The following CARS1 variants were observed in gnomAD, a reference collection of about 807,000 sequenced individuals.
CARS1 encodes cysteine--tRNA ligase, cytoplasmic.
CARS1 carries 48 observed loss-of-function variants against 106.2 expected under a neutral mutation model. The ratio of observed to expected loss-of-function variants is 0.45; its 90% confidence interval spans 0.36 to 0.57. CARS1 has a LOEUF of 0.57. Ranked by LOEUF, CARS1 falls within the 20% of genes least tolerant of loss-of-function variation. The pLI, the probability that CARS1 is intolerant of heterozygous loss-of-function variation, is 0.00. For missense variants in CARS1, 968 were observed against 1,057.2 expected (o/e 0.92, Z 1.17); for synonymous variants, 409 against 403.4 (o/e 1.01, Z -0.17).
At position 3,026,658 on chromosome 11, in the gene CARS1, C is replaced by G. The variant is rs749250412; in HGVS notation, c.1153+18G>C. The G allele has an allele frequency of 6.2e-7, 1 of 1,612,318 alleles. No homozygotes were observed. The highest frequency in any genetic ancestry group is 8.5e-7 in the Non-Finnish European group (1 of 1,179,382). On this transcript the variant is annotated intron_variant, in intron 10 of 22. Coordinates refer to ENST00000380525, the MANE Select transcript of CARS1 (RefSeq NM_001014437.3). ...CCAGGAGGGAGAGCCCACATGCTCT[C>G]AGGCATGCCCTCCTCACCTTCCCCT... is the stretch of plus-strand genomic sequence containing the variant.
rs1004362167 is a variant in CARS1 at position 3,045,091 on chromosome 11, C to T, written c.274+2662G>A. On this transcript the variant is annotated intron_variant, in intron 2 of 22. Coordinates refer to ENST00000380525, the MANE Select transcript of CARS1 (RefSeq NM_001014437.3). The surrounding 1 kb of genome is among the most constrained non-coding windows in gnomAD (Gnocchi z 5.6). ...TTCCCGGGGGGTAGGGAGAGGCCGG[C>T]GGGCTGGAAGGGCTGAGCCTCCACT... Among the ~76,000 whole-genome samples, 4 of 151,948 alleles carry T rather than the reference C, an allele frequency of 2.6e-5. No individual in the cohort carries two copies. Among genetic ancestry groups the T allele is most frequent in the African/African-American group, 9.7e-5 (4 of 41,406 alleles).
At chr11:3,012,377 T>C in intron 17 of CARS1, 101 bp from the exon 18 acceptor site, 1 of 988,752 alleles carries the variant, frequency 1.0e-6, no homozygotes, top group Admixed American at 1.8e-5. Flanking sequence ...GGGACTGGCA[T>C]GGGCAGTGCT....
chr11:3,006,792 G>C, intron 19 of CARS1, 87 bp downstream of exon 19: 1 of 1,045,366 alleles, frequency 9.6e-7, no homozygotes, highest in African/African-American at 1.5e-5. Context: ...CATGAAGCAT[G>C]AGCCTCAGCC....
In CARS1 at chr11:3,018,423, A is replaced by T; in HGVS notation, c.1614T>A (p.Tyr538Ter). The T allele has an allele frequency of 6.2e-7, 1 of 1,612,498 alleles. No homozygotes were observed. The highest frequency in any genetic ancestry group is 8.5e-7 in the Non-Finnish European group (1 of 1,178,532). The change falls in exon 14 of 23, where the codon TAT (tyrosine) becomes TAA (stop). Residue 538 changes from tyrosine to a stop codon, truncating the protein, a stop_gained. Coordinates refer to ENST00000380525, the MANE Select transcript of CARS1 (RefSeq NM_001014437.3). LOFTEE classifies it high-confidence loss of function. Reference protein sequence around the residue: ...SSNTMESALQYEKFLNEFFLN... With the variant: ...SSNTMESALQ Reference sequence around the variant, plus strand: ...GGGGACTCACATTCAAGAACTTCTCATATTGAAGCGCTGACTCCATGGTGT... The same window carrying T: ...GGGGACTCACATTCAAGAACTTCTCTTATTGAAGCGCTGACTCCATGGTGT...
Position 3,019,149 on chromosome 11 carries a change from G to A in CARS1, c.1385C>T (p.Ala462Val). 2 of 1,523,046 alleles carry A rather than the reference G, an allele frequency of 1.3e-6. No individual in the cohort carries two copies. Among genetic ancestry groups the A allele is most frequent in the East Asian group, 2.4e-5 (1 of 41,530 alleles). 94.3% of individuals were successfully genotyped at this position (1,523,046 alleles called of 1,614,324 possible). A position where few individuals can be genotyped will look rare whatever the true frequency, so the allele number is the denominator to read the frequency against. ...LRFPHHDNEL[A>V]QSEAYFENDC... ...TCTGTTTTCACCTACCTCCGACTGT[G>A]CCAGCTCATTGTCATGGTGGGGGAA... The change falls in exon 12 of 23, where the codon GCA (alanine) becomes GTA (valine). Residue 462 changes from alanine to valine, a missense_variant. Ala to Val is a moderately conservative substitution (Grantham distance 64, BLOSUM62 0). Transcript: ENST00000380525. This position sits in a 1 kb window ranked among gnomAD's most constrained non-coding sequence, Gnocchi z 6.2.
chr11:3,041,086 T>G lies in CARS1; in HGVS notation c.367-102A>C. On this transcript the variant is annotated intron_variant, in intron 3 of 22. Transcript: ENST00000380525. The surrounding 1 kb of genome is among the most constrained non-coding windows in gnomAD (Gnocchi z 4.9). ...ACATCACAGTGTGGTTTGTGTTTAG[T>G]GTAAACAATTCAACAGAGACCATTT... 5.7e-6 allele frequency: 9 copies of G among 1,584,214 alleles called. No individual in the cohort carries two copies. In the South Asian group the frequency reaches 1.0e-4, roughly 18 times the overall value.
intron 16 of CARS1, 138 bp from the exon 17 acceptor site, chr11:3,015,987 A>T: frequency 1.4e-6 from 1 of 731,008 alleles, no homozygotes; most frequent in Non-Finnish European, 2.4e-6. Context: ...CAGCTCCAGG[A>T]GCCCCAGAAA....
intron 1 of CARS1, among the ~76,000 whole-genome samples, chr11:3,056,948 G>A (rs1466285578): frequency 1.3e-5 from 2 of 152,188 alleles, no homozygotes; most frequent in African/African-American, 2.4e-5. Context: ...CGGGGTCTGT[G>A]CTCCAGCCAC....
rs1851278790 is a variant in CARS1 at position 3,018,659 on chromosome 11, T to C, written c.1486A>G (p.Asn496Asp). ...AAGGCATCTTTAATGGTGATGAAGT[T>C]TTTTAGTGACTTTGACATTTTGCAG... ...AGCKMSKSLK[N>D]FITIKDALKK... The change falls in exon 13 of 23, where the codon AAC becomes GAC. Residue 496 changes from asparagine (N) to aspartate (D), a missense_variant. Physicochemically the swap from Asn to Asp is conservative, Grantham distance 23 (BLOSUM62 1). Coordinates refer to ENST00000380525, the MANE Select transcript of CARS1 (RefSeq NM_001014437.3). 6.2e-7 allele frequency: 1 copy of C among 1,614,200 alleles called. No individual in the cohort carries two copies. Among genetic ancestry groups the C allele is most frequent in the Non-Finnish European group, 8.5e-7 (1 of 1,180,036 alleles).
rs934453544 is a variant in CARS1, at chr11:3,034,696, AT to A, written c.801+3353del. 5.3e-4 allele frequency among the ~76,000 whole-genome samples: 77 copies of A among 145,458 alleles called. No homozygotes were observed. The highest frequency in any genetic ancestry group is 4.9e-4 in the African/African-American group (19 of 38,912). On this transcript the variant is annotated intron_variant, in intron 7 of 22. Coordinates refer to ENST00000380525, the MANE Select transcript of CARS1 (RefSeq NM_001014437.3). This position sits in a 1 kb window ranked among gnomAD's most constrained non-coding sequence, Gnocchi z 6.3. ...AGGCACACGCCACAACACCCAGCTA[AT>A]TTTTTTTTTTTTATTTTTAGTAGAG...
At chr11:3,018,349 G>A (rs1851244547) in intron 14 of CARS1, 59 bp downstream of exon 14, 6 of 1,124,242 alleles carry the variant, frequency 5.3e-6, no homozygotes, top group South Asian at 1.3e-5. Context: ...ACTGCACAAG[G>A]TGCCCACTGT....
chr11:3,033,061 T>C (rs548886241), intron 7 of CARS1, among the ~76,000 whole-genome samples: 1 of 152,180 alleles, frequency 6.6e-6, no homozygotes, highest in East Asian at 1.9e-4. Flanking sequence ...CTTTTTTTTT[T>C]TCTAAAAAGT....
rs1429509422 is a variant in CARS1 at position 3,034,755 on chromosome 11, C to T, written c.801+3295G>A. Among the ~76,000 whole-genome samples the T allele has an allele frequency of 2.0e-5, 3 of 151,314 alleles. No homozygotes were observed. The highest frequency in any genetic ancestry group is 4.4e-5 in the Non-Finnish European group (3 of 67,896). ...TTCACCATGTTGGCCAGGATGGTCT[C>T]GATCTCCTGACCTCGTGATCTGCCC... On this transcript the variant is annotated intron_variant, in intron 7 of 22. Coordinates refer to ENST00000380525, the MANE Select transcript of CARS1 (RefSeq NM_001014437.3). This position sits in a 1 kb window ranked among gnomAD's most constrained non-coding sequence, Gnocchi z 6.3.
intron 22 of CARS1, 143 bp from the exon 23 acceptor site, chr11:3,001,391 C>T: frequency 2.1e-6 from 2 of 934,852 alleles, no homozygotes; most frequent in South Asian, 3.2e-5. Context: ...CACCACACTG[C>T]TCTGGAGCCA....
In CARS1 at chr11:3,019,047, G is replaced by A. The variant is rs922831941; in HGVS notation, c.1395+92C>T. The A allele has an allele frequency of 8.0e-6, 11 of 1,376,774 alleles. No individual in the cohort carries two copies. The highest frequency in any genetic ancestry group is 8.8e-6 in the Non-Finnish European group (9 of 1,021,044). The allele number at this position is 1,376,774 out of a possible 1,614,324, so 85.3% of individuals were successfully genotyped here. A position where few individuals can be genotyped will look rare whatever the true frequency, so the allele number is the denominator to read the frequency against. ...ATGAAGGTGTCAAGTTCTAGTGAGAGAGGCCCTTCTGAGGCCTGGGCTGAC... is the reference window on the plus strand; with the variant it reads ...ATGAAGGTGTCAAGTTCTAGTGAGAAAGGCCCTTCTGAGGCCTGGGCTGAC... On this transcript the variant is annotated intron_variant, in intron 12 of 22. Transcript: ENST00000380525. This position sits in a 1 kb window ranked among gnomAD's most constrained non-coding sequence, Gnocchi z 6.2.
rs373346810 is a variant in CARS1, at chr11:3,018,433, G to A, written c.1604C>T (p.Ala535Val). The part of the protein sequence containing the change: ...LDYSSNTMES[A>V]LQYEKFLNEF... ...ATTCAAGAACTTCTCATATTGAAGC[G>A]CTGACTCCATGGTGTTGCTGGAGTA... is the stretch of plus-strand genomic sequence containing the variant. Residue 535 changes from alanine to valine, a missense_variant, in exon 14 of 23, where the codon GCG (alanine) becomes GTG (valine). Ala to Val is a moderately conservative substitution (Grantham distance 64). Coordinates refer to ENST00000380525, the MANE Select transcript of CARS1 (RefSeq NM_001014437.3). The A allele has an allele frequency of 2.0e-5, 32 of 1,613,468 alleles. No homozygotes were observed. Among genetic ancestry groups the A allele is most frequent in the Middle Eastern group, 1.6e-4 (1 of 6,082 alleles).
chr11:3,015,039 T>C (rs1850852240), intron 17 of CARS1, among the ~76,000 whole-genome samples: 1 of 152,218 alleles, frequency 6.6e-6, no homozygotes, highest in Non-Finnish European at 1.5e-5. Context: ...AGTCCATCTT[T>C]AAGAAGCCTG....
rs771089904 is a variant in CARS1, at chr11:3,039,815, A to G, written c.552+20T>C. On this transcript the variant is annotated intron_variant, in intron 5 of 22. Transcript: ENST00000380525. The surrounding 1 kb of genome is among the most constrained non-coding windows in gnomAD (Gnocchi z 5.6). ...ACCATCCAATTGCATTTAAAATTTA[A>G]TCTTACAAATTCCCTTTACCTTGTC... The G allele has an allele frequency of 4.7e-6, 6 of 1,274,144 alleles. No individual in the cohort carries two copies. Among genetic ancestry groups the G allele is most frequent in the Non-Finnish European group, 6.6e-6 (6 of 902,742 alleles). 78.9% of individuals were successfully genotyped at this position (1,274,144 alleles called of 1,614,324 possible). A position where few individuals can be genotyped will look rare whatever the true frequency, so the allele number is the denominator to read the frequency against.
Position 3,041,253 on chromosome 11 carries a change from AT to A in CARS1, c.367-270del. 2.1e-6 allele frequency: 1 copy of A among 478,246 alleles called. No homozygotes were observed. Among genetic ancestry groups the A allele is most frequent in the South Asian group, 2.5e-5 (1 of 39,252 alleles). The allele number at this position is 478,246 out of a possible 1,614,324, so 29.6% of individuals were successfully genotyped here. On this transcript the variant is annotated intron_variant, in intron 3 of 22. Transcript: ENST00000380525. The surrounding 1 kb of genome is among the most constrained non-coding windows in gnomAD (Gnocchi z 4.9). The stretch of plus-strand genomic sequence containing the variant: ...TGGAGGGAGGCGATAAAGGGAATCA[AT>A]GATTTTATTGATTGTTGAAATGCTG...
Sources: allele counts gnomAD v4.1 joint callset (sites outside exome capture counted in the v4.1 genomes callset), GRCh38; gene constraint gnomAD v4.1.1; non-coding constraint Gnocchi (gnomAD v3.1); transcripts MANE v1.5; gene names NCBI Gene and HGNC (gene_info 2026-07-23, HGNC 2026-07-21).